The following SNTB1 variants were observed in gnomAD, a reference collection of about 807,000 sequenced individuals.
SNTB1 encodes the protein beta-1-syntrophin.
In SNTB1, 36 loss-of-function variants were observed where a neutral mutation model predicts 48.9. The observed-to-expected ratio is 0.74, with a 90% CI of 0.56 to 0.97. The LOEUF (loss-of-function observed/expected upper bound fraction) is 0.97, where lower values mean the gene tolerates loss of function less well. Ranked by LOEUF, SNTB1 falls within the 50% of genes least tolerant of loss-of-function variation. The pLI, the probability that SNTB1 is intolerant of heterozygous loss-of-function variation, is 0.00. For missense variants in SNTB1, 786 were observed against 703.4 expected, an observed-to-expected ratio of 1.12 and a Z score of -1.33; for synonymous variants, 299 against 294.6, an observed-to-expected ratio of 1.01 and a Z score of -0.15.
At position 120,591,604 on chromosome 8, in the gene SNTB1, G is replaced by A. The variant is rs150995752; in HGVS notation, c.997-16379C>T. ...TATGGGTAGTAGATGTACTGCAGCTGGTATCAACAACTGCCCTTTTTTATG... is the reference window on the plus strand; with the variant it reads ...TATGGGTAGTAGATGTACTGCAGCTAGTATCAACAACTGCCCTTTTTTATG... On this transcript the variant is annotated intron_variant, in intron 3 of 6. Transcript: ENST00000517992. Among the ~76,000 whole-genome samples, 911 of 152,224 alleles carry A rather than the reference G, an allele frequency of 6.0e-3. 6 individuals carry two copies. The highest frequency in any genetic ancestry group is 0.02 in the African/African-American group (842 of 41,536).
chr8:120,628,751 A>G (rs1434717320), intron 3 of SNTB1, among the ~76,000 whole-genome samples: 1 of 151,668 alleles, frequency 6.6e-6, no homozygotes, highest in African/African-American at 2.4e-5. Context: ...GCGAGACTCC[A>G]TCTCAAAGAA....
chr8:120,590,685 C>CTT (rs1255676747), intron 3 of SNTB1, among the ~76,000 whole-genome samples: 1 of 99,946 alleles, frequency 1.0e-5, no homozygotes. Context: ...CTTTTCTTTT[C>CTT]TTTTTTTTTT....
intron 1 of SNTB1, among the ~76,000 whole-genome samples, chr8:120,753,471 C>T (rs1223999537): frequency 1.3e-5 from 2 of 152,168 alleles, no homozygotes; most frequent in East Asian, 1.9e-4. Flanking sequence ...GCTAAATCCT[C>T]CTCTTAAGAC....
chr8:120,682,088 T>C (rs1241256489), intron 2 of SNTB1, among the ~76,000 whole-genome samples: 2 of 149,982 alleles, frequency 1.3e-5, no homozygotes, highest in African/African-American at 4.9e-5. Flanking sequence ...ATGAGAAGGA[T>C]TAAAAAATAA....
At chr8:120,692,018 G>T (rs999524107) in intron 2 of SNTB1, among the ~76,000 whole-genome samples, 2 of 152,182 alleles carry the variant, frequency 1.3e-5, no homozygotes, top group Non-Finnish European at 1.5e-5. Flanking sequence ...CAGAGAACAG[G>T]GTGAGAGTGG....
At chr8:120,644,106 T>C (rs1817241208) in intron 2 of SNTB1, among the ~76,000 whole-genome samples, 1 of 152,062 alleles carries the variant, frequency 6.6e-6, no homozygotes, top group Non-Finnish European at 1.5e-5. Context: ...TTTTTGAAGC[T>C]GTGTACCAGT....
chr8:120,578,917 C>T (rs1156512567), intron 3 of SNTB1, among the ~76,000 whole-genome samples: 1 of 152,190 alleles, frequency 6.6e-6, no homozygotes, highest in Non-Finnish European at 1.5e-5. Flanking sequence ...TAGCTCAGGC[C>T]TATAATCCCA....
chr8:120,715,584 TAAAC>T (rs1587110433), intron 1 of SNTB1, among the ~76,000 whole-genome samples: 2 of 152,322 alleles, frequency 1.3e-5, no homozygotes, highest in East Asian at 3.9e-4. Flanking sequence ...GAAGGTATTA[TAAAC>T]AAACAAAGTG....
chr8:120,633,479 C>G (rs908322345), intron 2 of SNTB1, among the ~76,000 whole-genome samples: 1 of 152,050 alleles, frequency 6.6e-6, no homozygotes, highest in African/African-American at 2.4e-5. Context: ...ATGGCGGGTG[C>G]CTGTAGCCCC....
At chr8:120,687,479 C>T (rs1288115994) in intron 2 of SNTB1, among the ~76,000 whole-genome samples, 1 of 152,168 alleles carries the variant, frequency 6.6e-6, no homozygotes, top group African/African-American at 2.4e-5. Context: ...GTTGGCAAAG[C>T]AGAAATTTAC....
chr8:120,585,229 G>A (rs943064136), intron 3 of SNTB1, among the ~76,000 whole-genome samples: 1 of 152,174 alleles, frequency 6.6e-6, no homozygotes, highest in Non-Finnish European at 1.5e-5. Context: ...TTATATCCTG[G>A]CTAAGCATAG....
intron 3 of SNTB1, among the ~76,000 whole-genome samples, chr8:120,624,088 C>T (rs1421534742): frequency 1.3e-5 from 2 of 152,100 alleles, no homozygotes; most frequent in Non-Finnish European, 2.9e-5. Flanking sequence ...CAGGCATGTG[C>T]CAACACACCT....
chr8:120,793,478 T>C (rs969075992), intron 1 of SNTB1, among the ~76,000 whole-genome samples: 1 of 152,040 alleles, frequency 6.6e-6, no homozygotes, highest in Non-Finnish European at 1.5e-5. Context: ...CAAGTTGAGA[T>C]GTAAGAGAGA....
chr8:120,672,307 G>A (rs968613730), intron 2 of SNTB1, among the ~76,000 whole-genome samples: 3 of 152,104 alleles, frequency 2.0e-5, no homozygotes, highest in Non-Finnish European at 2.9e-5. Context: ...AAATATAAAC[G>A]AATAAATCAT....
At chr8:120,644,512 A>G (rs1467528271) in intron 2 of SNTB1, among the ~76,000 whole-genome samples, 1 of 152,120 alleles carries the variant, frequency 6.6e-6, no homozygotes, top group African/African-American at 2.4e-5. Context: ...TTATGGCTAC[A>G]TGGTATTCCA....
intron 4 of SNTB1, among the ~76,000 whole-genome samples, chr8:120,551,224 C>T (rs1185346370): frequency 1.4e-5 from 2 of 140,800 alleles, no homozygotes; most frequent in Non-Finnish European, 3.0e-5. Context: ...CACTGCACTC[C>T]AGACTGGGTG....
chr8:120,691,885 C>G (rs550130542), intron 2 of SNTB1, among the ~76,000 whole-genome samples: 2 of 152,234 alleles, frequency 1.3e-5, no homozygotes, highest in African/African-American at 4.8e-5. Flanking sequence ...ACTTTGACAT[C>G]AGATCATTGG....
intron 1 of SNTB1, among the ~76,000 whole-genome samples, chr8:120,734,610 T>G (rs1818911914): frequency 6.6e-6 from 1 of 152,096 alleles, no homozygotes; most frequent in Non-Finnish European, 1.5e-5. Flanking sequence ...ATAAGACCGA[T>G]GGAAATAATG....
intron 1 of SNTB1, among the ~76,000 whole-genome samples, chr8:120,707,746 A>T (rs781234289): frequency 1.3e-5 from 2 of 152,164 alleles, no homozygotes; most frequent in Non-Finnish European, 2.9e-5. Context: ...TTGATCCCAC[A>T]TCTTATAAAT....
Sources: gnomAD v4.1 joint callset for allele counts (sites outside exome capture counted in the v4.1 genomes callset) on GRCh38, gnomAD v4.1.1 for gene constraint, MANE v1.5 for transcripts, NCBI Gene and HGNC (gene_info 2026-07-23, HGNC 2026-07-21) for gene names.